Variants in KCNH7 observed in about 807,000 individuals in gnomAD.
KCNH7 encodes potassium voltage-gated channel subfamily H member 7, also known as voltage-gated inwardly rectifying potassium channel KCNH7.
Under a neutral mutation model 120.8 loss-of-function variants are expected in KCNH7, and 49 were observed. The ratio of observed to expected loss-of-function variants is 0.41; its 90% confidence interval spans 0.32 to 0.51. KCNH7 has a LOEUF of 0.51. KCNH7 is among the 20% of genes least tolerant of loss of function. The pLI, the probability that KCNH7 is intolerant of heterozygous loss-of-function variation, is 0.38. For synonymous variants in KCNH7, 547 were observed against 516.1 expected (o/e 1.06, Z -0.81); for missense variants, 1,097 against 1,446.6 (o/e 0.76, Z 3.92).
intron 2 of KCNH7, among the ~76,000 whole-genome samples, chr2:162,679,621 T>A (rs1464625813): frequency 6.6e-6 from 1 of 151,696 alleles, no homozygotes; most frequent in African/African-American, 2.4e-5. Context: ...TGTTATGAGT[T>A]TCACATTCAA....
Position 162,614,174 on chromosome 2 carries a change from A to G in KCNH7, c.308-77094T>C, listed in dbSNP as rs554610822. 1.5e-3 allele frequency among the ~76,000 whole-genome samples: 222 copies of G among 152,232 alleles called. 2 individuals are homozygous for G. In the South Asian group the frequency reaches 0.017, roughly 12 times the overall value. On this transcript the variant is annotated intron_variant, in intron 2 of 15. Transcript: ENST00000332142. Reference sequence around the variant, plus strand: ...TCTTAAGCTATCTATGGTTATAAAAACCTTTTAAAGTGCCTAATCTACTAC... The same window carrying G: ...TCTTAAGCTATCTATGGTTATAAAAGCCTTTTAAAGTGCCTAATCTACTAC...
At chr2:162,724,634 T>C (rs1473921132) in intron 2 of KCNH7, among the ~76,000 whole-genome samples, 3 of 145,260 alleles carry the variant, frequency 2.1e-5, no homozygotes, top group Non-Finnish European at 4.4e-5. Flanking sequence ...ATCGCGCCAC[T>C]GCACTCCAGC....
intron 2 of KCNH7, among the ~76,000 whole-genome samples, chr2:162,667,302 T>C (rs6705119): frequency 1 from 152,073 of 152,244 alleles, 75,952 homozygotes; most frequent in Non-Finnish European, 1. Flanking sequence ...ATTACAGGCG[T>C]GAGCCACCAT....
At chr2:162,786,574 C>A (rs1683713769) in intron 2 of KCNH7, among the ~76,000 whole-genome samples, 1 of 152,078 alleles carries the variant, frequency 6.6e-6, no homozygotes, top group Non-Finnish European at 1.5e-5. Flanking sequence ...GGTGTAATAT[C>A]TTTGAAAATG....
At chr2:162,685,709 G>T (rs1045696345) in intron 2 of KCNH7, among the ~76,000 whole-genome samples, 2 of 151,252 alleles carry the variant, frequency 1.3e-5, no homozygotes, top group Non-Finnish European at 2.9e-5. Flanking sequence ...TATTTCAGAT[G>T]TATTAGAAAA....
intron 2 of KCNH7, among the ~76,000 whole-genome samples, chr2:162,769,470 C>T (rs1682955103): frequency 6.6e-6 from 1 of 152,018 alleles, no homozygotes; most frequent in African/African-American, 2.4e-5. Context: ...ATAATATTCA[C>T]TGAATTTACA....
intron 8 of KCNH7, among the ~76,000 whole-genome samples, chr2:162,424,159 T>C (rs1463647942): frequency 6.6e-6 from 1 of 152,190 alleles, no homozygotes; most frequent in Non-Finnish European, 1.5e-5. Flanking sequence ...ATAGTATTTT[T>C]GCATAAGAAA....
chr2:162,517,591 G>A (rs1691350862), intron 4 of KCNH7, 139 bp downstream of exon 4: 2 of 673,644 alleles, frequency 3.0e-6, no homozygotes, highest in Non-Finnish European at 4.8e-6. Context: ...TCTGAGTGTA[G>A]GACTCAGGTT....
rs554563888 is a variant in KCNH7 at position 162,666,313 on chromosome 2, A to T, written c.308-129233T>A. 1.1e-4 allele frequency among the ~76,000 whole-genome samples: 17 copies of T among 152,238 alleles called. No homozygotes were observed. In the East Asian group the frequency reaches 1.9e-3, roughly 17 times the overall value. On this transcript the variant is annotated intron_variant, in intron 2 of 15. Transcript: ENST00000332142. ...ATTCTCTAACATCTTATTAATTATC[A>T]TCTTCCAAATATTCCAAATACTCCA...
intron 2 of KCNH7, among the ~76,000 whole-genome samples, chr2:162,815,331 CAT>C (rs1404452655): frequency 6.6e-6 from 1 of 152,058 alleles, no homozygotes; most frequent in Non-Finnish European, 1.5e-5. Flanking sequence ...AAAAATGAGA[CAT>C]GTTTTTTCCC....
chr2:162,613,405 G>A (rs1683034268), intron 2 of KCNH7, among the ~76,000 whole-genome samples: 1 of 151,734 alleles, frequency 6.6e-6, no homozygotes, highest in African/African-American at 2.4e-5. Flanking sequence ...ACAACACTAA[G>A]AATTTGCTTT....
rs78580110 is a variant in KCNH7, at chr2:162,423,869, C to T, written c.1955-334G>A. Reference sequence around the variant, plus strand: ...ACTTGAAAAAGAAGGCATCTCATGGCTCACCATAAATACATTTTCTTGAAA... The same window carrying T: ...ACTTGAAAAAGAAGGCATCTCATGGTTCACCATAAATACATTTTCTTGAAA... On this transcript the variant is annotated intron_variant, in intron 8 of 15. Coordinates refer to ENST00000332142, the MANE Select transcript of KCNH7 (RefSeq NM_033272.4). 3.7e-3 allele frequency among the ~76,000 whole-genome samples: 557 copies of T among 152,082 alleles called. 5 individuals carry two copies. Among genetic ancestry groups the T allele is most frequent in the African/African-American group, 0.013 (540 of 41,474 alleles).
intron 2 of KCNH7, among the ~76,000 whole-genome samples, chr2:162,813,602 T>C (rs184532474): frequency 1.3e-3 from 192 of 152,328 alleles, no homozygotes; most frequent in Non-Finnish European, 1.8e-3. Flanking sequence ...CAACCACTGT[T>C]CACACAGCTT....
At chr2:162,518,716 T>C (rs1289888145) in intron 3 of KCNH7, among the ~76,000 whole-genome samples, 1 of 151,660 alleles carries the variant, frequency 6.6e-6, no homozygotes, top group African/African-American at 2.4e-5. Flanking sequence ...CAACTGTGTA[T>C]GAGAGGTTTA....
chr2:162,681,720 T>C (rs1182940652), intron 2 of KCNH7, among the ~76,000 whole-genome samples: 1 of 151,686 alleles, frequency 6.6e-6, no homozygotes, highest in East Asian at 1.9e-4. Flanking sequence ...AAATGTTGGC[T>C]ACAAGCATAA....
At chr2:162,567,262 C>T (rs1693288151) in intron 2 of KCNH7, among the ~76,000 whole-genome samples, 1 of 151,920 alleles carries the variant, frequency 6.6e-6, no homozygotes, top group Non-Finnish European at 1.5e-5. Context: ...ATTTACAAAG[C>T]ATTAAGAACA....
chr2:162,456,611 T>A (rs1688972280), intron 6 of KCNH7, among the ~76,000 whole-genome samples: 1 of 152,106 alleles, frequency 6.6e-6, no homozygotes, highest in South Asian at 2.1e-4. Flanking sequence ...GGTGTTAAAG[T>A]CTCCCACTAT....
At chr2:162,658,963 T>C (rs776432395) in intron 2 of KCNH7, among the ~76,000 whole-genome samples, 5 of 152,220 alleles carry the variant, frequency 3.3e-5, no homozygotes, top group African/African-American at 4.8e-5. Context: ...TTTTATTTCC[T>C]TTTCTTGTCT....
chr2:162,817,922 CAG>C (rs1191152756), intron 2 of KCNH7, among the ~76,000 whole-genome samples: 2 of 151,878 alleles, frequency 1.3e-5, no homozygotes, highest in African/African-American at 4.8e-5. Context: ...TATGTATATA[CAG>C]AGAGATATGG....
Sources: gnomAD v4.1 joint callset for allele counts (sites outside exome capture counted in the v4.1 genomes callset) on GRCh38, gnomAD v4.1.1 for gene constraint, MANE v1.5 for transcripts, NCBI Gene and HGNC (gene_info 2026-07-23, HGNC 2026-07-21) for gene names.